DPP10: variants seen among roughly 807,000 people sequenced by gnomAD.
DPP10 encodes the protein dipeptidyl peptidase like 10.
In DPP10, 33 loss-of-function variants were observed where a neutral mutation model predicts 120.9. The observed-to-expected ratio is 0.27, with a 90% CI of 0.21 to 0.37. DPP10 has a LOEUF of 0.37. DPP10 is among the 10% of genes least tolerant of loss of function. DPP10 has a pLI of 1.00. For synonymous variants in DPP10, 337 were observed against 326.1 expected (o/e 1.03, Z -0.36); for missense variants, 816 against 942.8 (o/e 0.87, Z 1.76).
chr2:114,710,110 G>C (rs1700927691), intron 1 of DPP10, among the ~76,000 whole-genome samples: 2 of 152,228 alleles, frequency 1.3e-5, no homozygotes, highest in Admixed American at 1.3e-4. Context: ...GCATGGTATA[G>C]AATAGATGTT....
intron 1 of DPP10, among the ~76,000 whole-genome samples, chr2:115,096,948 G>A (rs1323276128): frequency 6.6e-6 from 1 of 152,074 alleles, no homozygotes; most frequent in Non-Finnish European, 1.5e-5. Context: ...TGATAGTAAT[G>A]AAGTTTAAAC....
At chr2:114,590,817 A>ACTGTTTAATAAATTTAAC (rs1207240893) in intron 1 of DPP10, among the ~76,000 whole-genome samples, 1 of 152,222 alleles carries the variant, frequency 6.6e-6, no homozygotes, top group African/African-American at 2.4e-5. Context: ...TATTAAATTT[A>ACTGTTTAATAAATTTAAC]TCTTTAATAC....
At chr2:115,156,412 A>G (rs1029759764) in intron 1 of DPP10, among the ~76,000 whole-genome samples, 2 of 152,204 alleles carry the variant, frequency 1.3e-5, no homozygotes, top group Non-Finnish European at 2.9e-5. Context: ...TTTCTAGGGG[A>G]AAATTCATGG....
chr2:114,737,750 G>T (rs1196227237), intron 1 of DPP10, among the ~76,000 whole-genome samples: 1 of 152,202 alleles, frequency 6.6e-6, no homozygotes, highest in African/African-American at 2.4e-5. Flanking sequence ...GTTCTGTCAA[G>T]GTTTAGCTAC....
rs3036385 is a variant in DPP10 at position 114,812,583 on chromosome 2, G to GACACACACACACACACACACAC, written c.60+369759_60+369780dup. Among the ~76,000 whole-genome samples the GACACACACACACACACACACAC allele has an allele frequency of 4.5e-4, 61 of 134,518 alleles. 2 individuals carry two copies. In the Middle Eastern group the frequency reaches 0.011, roughly 25 times the overall value. The allele number at this position is 134,518 out of a possible 152,430, so 88.2% of individuals were successfully genotyped here. A position where few individuals can be genotyped will look rare whatever the true frequency, so the allele number is the denominator to read the frequency against. ...AGCCTGGGCAACAGGGTGAGACATT[G>GACACACACACACACACACACAC]ACACACACACACACACACACACACA... is the stretch of plus-strand genomic sequence containing the variant. On this transcript the variant is annotated intron_variant, in intron 1 of 25. Coordinates refer to ENST00000410059, the MANE Select transcript of DPP10 (RefSeq NM_020868.6).
At chr2:114,458,173 A>G (rs552117152) in intron 1 of DPP10, among the ~76,000 whole-genome samples, 1 of 152,298 alleles carries the variant, frequency 6.6e-6, no homozygotes, top group Non-Finnish European at 1.5e-5. Flanking sequence ...ATCCTGTGCT[A>G]TTCTGCCAGA....
At chr2:114,633,509 C>G (rs1350554375) in intron 1 of DPP10, among the ~76,000 whole-genome samples, 1 of 151,624 alleles carries the variant, frequency 6.6e-6, no homozygotes, top group African/African-American at 2.4e-5. Context: ...CTGCCTTGGC[C>G]TCCCAAAGTG....
chr2:114,668,826 A>G (rs1698124164), intron 1 of DPP10, among the ~76,000 whole-genome samples: 1 of 151,966 alleles, frequency 6.6e-6, no homozygotes, highest in Admixed American at 6.6e-5. Flanking sequence ...TTTTTATTGC[A>G]TTTCAAGCTT....
chr2:115,039,183 T>G (rs1378334970), intron 1 of DPP10, among the ~76,000 whole-genome samples: 1 of 151,914 alleles, frequency 6.6e-6, no homozygotes, highest in Non-Finnish European at 1.5e-5. Flanking sequence ...TGCTGGAGGG[T>G]GAGTTTTGAG....
chr2:115,307,812 A>G (rs1311230659), intron 1 of DPP10, among the ~76,000 whole-genome samples: 1 of 152,084 alleles, frequency 6.6e-6, no homozygotes, highest in Non-Finnish European at 1.5e-5. Context: ...TCTTTATATC[A>G]CTTCTCTAAA....
intron 1 of DPP10, among the ~76,000 whole-genome samples, chr2:115,108,897 A>G (rs1281040401): frequency 2.0e-5 from 3 of 151,550 alleles, no homozygotes; most frequent in Non-Finnish European, 4.4e-5. Context: ...GAATGGAGGT[A>G]TGGTGGAACT....
rs772570375 is a variant in DPP10, at chr2:115,491,680, C to T, written c.272-7830C>T. On this transcript the variant is annotated intron_variant, in intron 3 of 25. Transcript: ENST00000410059. ...GGTCGGGGAGGAGTTTGGAATGTTTCTGGTTGGAGATGTTATTTGTGGTTT... is the reference window on the plus strand; with the variant it reads ...GGTCGGGGAGGAGTTTGGAATGTTTTTGGTTGGAGATGTTATTTGTGGTTT... Among the ~76,000 whole-genome samples the T allele has an allele frequency of 6.3e-4, 95 of 151,910 alleles. 1 individual carries two copies. Among genetic ancestry groups the T allele is most frequent in the Non-Finnish European group, 1.8e-4 (12 of 67,986 alleles).
chr2:115,037,493 A>G (rs1447898536), intron 1 of DPP10, among the ~76,000 whole-genome samples: 4 of 152,224 alleles, frequency 2.6e-5, no homozygotes, highest in African/African-American at 9.7e-5. Flanking sequence ...CGGCAGGCAA[A>G]AGAAACTAAA....
chr2:114,623,683 T>C (rs538462241), intron 1 of DPP10, among the ~76,000 whole-genome samples: 6 of 152,208 alleles, frequency 3.9e-5, no homozygotes, highest in South Asian at 4.1e-4. Context: ...AAAATGACTT[T>C]TTCATTCTCC....
chr2:115,240,950 A>C (rs1174604462), intron 1 of DPP10, among the ~76,000 whole-genome samples: 2 of 152,222 alleles, frequency 1.3e-5, no homozygotes, highest in African/African-American at 2.4e-5. Flanking sequence ...AAATGATACC[A>C]GAGACTTTTC....
At position 114,782,121 on chromosome 2, in the gene DPP10, CTTAA is replaced by C. The variant is rs1682384497; in HGVS notation, c.60+339287_60+339290del. Among the ~76,000 whole-genome samples the C allele has an allele frequency of 2.0e-5, 3 of 151,952 alleles. No individual in the cohort carries two copies. In the South Asian group the frequency reaches 6.3e-4, roughly 32 times the overall value. Reference sequence around the variant, plus strand: ...AGCTTTTGAAGCCAGCCTCAACCTACTTAATTACAGTTGTGCGTGTGTGTGCATG... The same window carrying C: ...AGCTTTTGAAGCCAGCCTCAACCTACTTACAGTTGTGCGTGTGTGTGCATG... On this transcript the variant is annotated intron_variant, in intron 1 of 25. Coordinates refer to ENST00000410059, the MANE Select transcript of DPP10 (RefSeq NM_020868.6).
At chr2:115,339,881 C>T (rs1458948957) in intron 2 of DPP10, among the ~76,000 whole-genome samples, 1 of 152,148 alleles carries the variant, frequency 6.6e-6, no homozygotes, top group Non-Finnish European at 1.5e-5. Context: ...GTGCTGGTCA[C>T]CTGTGATGCA....
chr2:115,591,228 GC>G (rs1193406813), intron 5 of DPP10, among the ~76,000 whole-genome samples: 59 of 152,236 alleles, frequency 3.9e-4, no homozygotes. Flanking sequence ...TGAAGTCCTT[GC>G]CTATGCCTAT....
At chr2:115,455,084 C>A (rs771543454) in intron 3 of DPP10, among the ~76,000 whole-genome samples, 4 of 150,868 alleles carry the variant, frequency 2.7e-5, no homozygotes, top group Non-Finnish European at 5.9e-5. Flanking sequence ...AATAACATCA[C>A]AAACTAAGAA....
Sources: allele counts gnomAD v4.1 joint callset (sites outside exome capture counted in the v4.1 genomes callset), GRCh38; gene constraint gnomAD v4.1.1; transcripts MANE v1.5; gene names NCBI Gene and HGNC (gene_info 2026-07-23, HGNC 2026-07-21).